The following LY75 variants were observed in gnomAD, a reference collection of about 807,000 sequenced individuals.
The protein encoded by LY75 is lymphocyte antigen 75.
Under a neutral mutation model 231.7 loss-of-function variants are expected in LY75, and 185 were observed. The ratio of observed to expected loss-of-function variants is 0.80; its 90% CI spans 0.71 to 0.90. The LOEUF (loss-of-function observed/expected upper bound fraction) is 0.90, where lower values mean the gene tolerates loss of function less well. Ranked by LOEUF, LY75 falls within the 40% of genes least tolerant of loss-of-function variation. The probability of loss-of-function intolerance (pLI) is 0.00; values close to 1 mark genes in which losing one functional copy is unlikely to be tolerated. For missense variants in LY75, 1,947 were observed against 2,050.2 expected (o/e 0.95, Z 0.97); for synonymous variants, 668 against 689.0 (o/e 0.97, Z 0.48).
intron 32 of LY75, among the ~76,000 whole-genome samples, chr2:159,808,909 A>G (rs1682870623): frequency 6.6e-6 from 1 of 152,222 alleles, no homozygotes; most frequent in East Asian, 1.9e-4. Context: ...CCACTTAGCT[A>G]GGATATGTGG....
intron 28 of LY75, among the ~76,000 whole-genome samples, 158 bp downstream of exon 28, chr2:159,831,512 G>A (rs1467699122): frequency 6.6e-6 from 1 of 152,178 alleles, no homozygotes; most frequent in Non-Finnish European, 1.5e-5. Context: ...GCAGAGCAGA[G>A]ACATAAAAAC....
chr2:159,840,027 A>C (rs1190917880), intron 25 of LY75, among the ~76,000 whole-genome samples: 2 of 150,222 alleles, frequency 1.3e-5, no homozygotes, highest in African/African-American at 4.9e-5. Context: ...AAAGAAAAAG[A>C]AAAAAGAGAA....
chr2:159,900,294 A>G (rs1686035832), intron 1 of LY75, among the ~76,000 whole-genome samples: 1 of 152,244 alleles, frequency 6.6e-6, no homozygotes, highest in Non-Finnish European at 1.5e-5. Flanking sequence ...TGCACACCTG[A>G]GTTTGTGGAA....
Position 159,853,655 on chromosome 2 carries a change from A to G in LY75, c.2638T>C (p.Trp880Arg), listed in dbSNP as rs776266132. Residue 880 changes from tryptophan (W) to arginine (R), a missense_variant, in exon 19 of 35, where the codon TGG becomes CGG. Physicochemically the swap from Trp to Arg is moderately radical, Grantham distance 101. Transcript: ENST00000263636. ...GQKWWIRISE[W>R]PIDDHFTYSR... Reference sequence around the variant, plus strand: ...TATGTAAAATGATCATCTATTGGCCACTCGCTAATTCTTATCCACCACTTC... The same window carrying G: ...TATGTAAAATGATCATCTATTGGCCGCTCGCTAATTCTTATCCACCACTTC... 5 of 1,613,480 alleles carry G rather than the reference A, an allele frequency of 3.1e-6. No individual in the cohort carries two copies. In the South Asian group the frequency reaches 5.5e-5, roughly 18 times the overall value.
Position 159,805,057 on chromosome 2 carries a change from G to A in LY75, c.5156C>T (p.Ser1719Phe), listed in dbSNP as rs1574513518. 12 of 1,613,454 alleles carry A rather than the reference G, an allele frequency of 7.4e-6. No homozygotes were observed. The East Asian group carries it at 2.7e-4, about 36-fold the overall frequency. Residue 1719 changes from serine to phenylalanine, a missense_variant, in exon 35 of 35, where the codon TCT (serine) becomes TTT (phenylalanine). Physicochemically the swap from Ser to Phe is radical, Grantham distance 155. Transcript: ENST00000263636. ...TTTTAGAAGAATTTAGTCATGGAAA[G>A]AAGGAAGCATAATCTCATCTTCATT... ...GVNEDEIMLP[S>F]FHD is the part of the protein sequence containing the mutation.
intron 23 of LY75, among the ~76,000 whole-genome samples, chr2:159,845,705 T>A (rs1574552164): frequency 6.6e-6 from 1 of 151,838 alleles, no homozygotes; most frequent in African/African-American, 2.4e-5. Context: ...TAAAAAATTT[T>A]TTTTCTCAAA....
chr2:159,894,070 C>T lies in LY75; in HGVS notation c.481G>A (p.Asp161Asn). The change falls in exon 3 of 35, where the codon GAT becomes AAT. Residue 161 changes from aspartate (D) to asparagine (N), a missense_variant. Asp to Asn is a conservative substitution (Grantham distance 23, BLOSUM62 1). Coordinates refer to ENST00000263636, the MANE Select transcript of LY75 (RefSeq NM_002349.4). ...CAAGGTCTCCCATAAGAGTTCCCAT[C>T]TCTGGTATAGATCTCTGGGTTGGAG... ...DQPYHEIYTRDGNSYGRPCEF... is the reference protein window; with the variant it reads ...DQPYHEIYTRNGNSYGRPCEF... The T allele has an allele frequency of 6.2e-7, 1 of 1,610,790 alleles. No individual in the cohort carries two copies. The highest frequency in any genetic ancestry group is 8.5e-7 in the Non-Finnish European group (1 of 1,178,378).
At chr2:159,864,960 T>C in intron 13 of LY75, 40 bp from the exon 14 acceptor site, 1 of 1,557,306 alleles carries the variant, frequency 6.4e-7, no homozygotes, top group Non-Finnish European at 8.7e-7. Context: ...GGACAATGCT[T>C]GGCAAAAATA....
chr2:159,848,797 T>G (rs1684295911), intron 23 of LY75, among the ~76,000 whole-genome samples: 1 of 152,094 alleles, frequency 6.6e-6, no homozygotes, highest in Non-Finnish European at 1.5e-5. Context: ...TTGGCAAGTA[T>G]TTGTGATAAT....
intron 4 of LY75, among the ~76,000 whole-genome samples, chr2:159,887,570 A>C (rs1685631186): frequency 2.0e-5 from 2 of 100,396 alleles, no homozygotes; most frequent in Admixed American, 1.4e-4. Context: ...CAACAACAAA[A>C]AAAAAAAAAA....
chr2:159,853,805 A>G (rs570159781), intron 18 of LY75, 108 bp from the exon 19 acceptor site: 23 of 1,445,216 alleles, frequency 1.6e-5, no homozygotes, highest in Non-Finnish European at 1.7e-5. Flanking sequence ...ATTTCCAGAC[A>G]TTCCTTACTT....
Position 159,834,038 on chromosome 2 carries a change from A to G in LY75, c.3841+6T>C, listed in dbSNP as rs769830515. 1 of 1,612,788 alleles carries G rather than the reference A, an allele frequency of 6.2e-7. No individual in the cohort carries two copies. Among genetic ancestry groups the G allele is most frequent in the South Asian group, 1.1e-5 (1 of 90,908 alleles). On this transcript the variant is annotated splice_donor_region_variant and intron_variant, in intron 27 of 34. Coordinates refer to ENST00000263636, the MANE Select transcript of LY75 (RefSeq NM_002349.4). ...CAACATGAGAATGGACTAATATAAT[A>G]CTTACTCAGTTTCTGGCATTTAGTA...
At chr2:159,889,339 C>T (rs1685683916) in intron 4 of LY75, among the ~76,000 whole-genome samples, 1 of 152,154 alleles carries the variant, frequency 6.6e-6, no homozygotes, top group Non-Finnish European at 1.5e-5. Context: ...AGCAATCCTT[C>T]TACCTCAGTC....
intron 3 of LY75, among the ~76,000 whole-genome samples, chr2:159,893,011 C>A: frequency 6.6e-6 from 1 of 152,078 alleles, no homozygotes; most frequent in Non-Finnish European, 1.5e-5. Flanking sequence ...CTACCCTTTG[C>A]TTTTTTAAAT....
At chr2:159,862,534 G>T (rs1684741086) in intron 14 of LY75, among the ~76,000 whole-genome samples, 2 of 152,038 alleles carry the variant, frequency 1.3e-5, no homozygotes, top group Non-Finnish European at 2.9e-5. Flanking sequence ...ACTATATATA[G>T]AGAGACTATA....
rs761220936 is a variant in LY75, at chr2:159,835,537, A to G, written c.3616T>C (p.Trp1206Arg). 24 of 1,612,908 alleles carry G rather than the reference A, an allele frequency of 1.5e-5. No homozygotes were observed. The highest frequency in any genetic ancestry group is 2.0e-5 in the Non-Finnish European group (24 of 1,179,608). Residue 1206 changes from tryptophan (W) to arginine (R), a missense_variant, in exon 26 of 35, where the codon TGG (tryptophan) becomes CGG (arginine). Physicochemically the swap from Trp to Arg is moderately radical, Grantham distance 101. Transcript: ENST00000263636. ...DCVVLDTDGF[W>R]KTVDCNDNQP... ...TTGTCATTGCAATCAACTGTTTTCC[A>G]GAATCCATCAGTGTCTAATACTACA...
chr2:159,855,487 A>G (rs1684522012), intron 16 of LY75, among the ~76,000 whole-genome samples: 1 of 152,224 alleles, frequency 6.6e-6, no homozygotes, highest in South Asian at 2.1e-4. Context: ...TGAGAGGAAA[A>G]TAATTAAAAG....
intron 33 of LY75, chr2:159,807,670 T>G (rs1682828842): frequency 1.0e-6 from 1 of 985,032 alleles, no homozygotes; most frequent in African/African-American, 1.7e-5. Flanking sequence ...CGATTTAGGA[T>G]TCATTTAGAT....
Position 159,852,217 on chromosome 2 carries a change from A to G in LY75, c.2867T>C (p.Ile956Thr). Residue 956 changes from isoleucine to threonine, a missense_variant, in exon 21 of 35, where the codon ATT (isoleucine) becomes ACT (threonine). Transcript: ENST00000263636. ...TCTTTTTACCTTATTCTGAAAAGGAATCCATTGCTCAGAACATTGCACTTT... is the reference window on the plus strand; with the variant it reads ...TCTTTTTACCTTATTCTGAAAAGGAGTCCATTGCTCAGAACATTGCACTTT... ...AAKVQCSEQWIPFQNKCFLKI... is the reference protein window; with the variant it reads ...AAKVQCSEQWTPFQNKCFLKI... 6.2e-7 allele frequency: 1 copy of G among 1,613,562 alleles called. No homozygotes were observed. Among genetic ancestry groups the G allele is most frequent in the Non-Finnish European group, 8.5e-7 (1 of 1,179,794 alleles).
Sources: gnomAD v4.1 joint callset for allele counts (sites outside exome capture counted in the v4.1 genomes callset) on GRCh38, gnomAD v4.1.1 for gene constraint, MANE v1.5 for transcripts, NCBI Gene and HGNC (gene_info 2026-07-23, HGNC 2026-07-21) for gene names.